The following ATP5ME variants were observed in gnomAD, a reference collection of about 807,000 sequenced individuals.
ATP5ME encodes ATP synthase F(0) complex subunit e, mitochondrial.
Under a neutral mutation model 11.6 loss-of-function variants are expected in ATP5ME, and 10 were observed. The ratio of observed to expected loss-of-function variants is 0.86; its 90% CI spans 0.53 to 1.46. The LOEUF is 1.46. ATP5ME is among the 40% of genes most tolerant of loss of function. ATP5ME has a pLI of 0.00. For synonymous variants in ATP5ME, 45 were observed against 33.5 expected (o/e 1.34, Z -1.19); for missense variants, 115 against 85.4 (o/e 1.35, Z -1.37).
intron 2 of ATP5ME, 186 bp from the exon 3 acceptor site, chr4:673,587 C>T (rs1487504851): frequency 1.1e-5 from 11 of 1,029,150 alleles, no homozygotes; most frequent in South Asian, 1.6e-5. Context: ...GCTACAGGGC[C>T]CCTGCTGCCC....
intron 1 of ATP5ME, 106 bp from the exon 2 acceptor site, chr4:674,072 G>T: frequency 6.8e-7 from 1 of 1,459,988 alleles, no homozygotes; most frequent in Non-Finnish European, 9.2e-7. Context: ...GGAGGGGTGG[G>T]GGTCCGGTCG....
rs1172225360 is a variant in ATP5ME at position 674,030 on chromosome 4, A to C, written c.37-64T>G. 5 of 604,656 alleles carry C rather than the reference A, an allele frequency of 8.3e-6. No individual in the cohort carries two copies. In the African/African-American group the frequency reaches 1.3e-4, roughly 16 times the overall value. 37.5% of individuals were successfully genotyped at this position (604,656 alleles called of 1,614,324 possible). A position where few individuals can be genotyped will look rare whatever the true frequency, so the allele number is the denominator to read the frequency against. On this transcript the variant is annotated intron_variant, in intron 1 of 3. Transcript: ENST00000304312. ...CTCGCGGGACGGGGGTCGCGGGAGG[A>C]GGGGGGGCGGGGTCGCTGGGCAGAG...
intron 2 of ATP5ME, 135 bp from the exon 3 acceptor site, chr4:673,536 A>C: frequency 6.9e-7 from 1 of 1,458,356 alleles, no homozygotes; most frequent in South Asian, 1.3e-5. Context: ...TGTTAATGCG[A>C]GTCAACGCCT....
At chr4:673,507 C>G in intron 2 of ATP5ME, 106 bp from the exon 3 acceptor site, 1 of 1,564,668 alleles carries the variant, frequency 6.4e-7, no homozygotes, top group Non-Finnish European at 8.7e-7. Context: ...CCAGACGCAC[C>G]TGCTGTTCCC....
At chr4:673,612 T>C in intron 2 of ATP5ME, 1 of 852,036 alleles carries the variant, frequency 1.2e-6, no homozygotes, top group Non-Finnish European at 1.8e-6. Context: ...GCTCACGCAC[T>C]GGCTCACTCG....
At chr4:672,593 G>GTTTTT in intron 3 of ATP5ME, 74 bp from the exon 4 acceptor site, 1 of 1,101,052 alleles carries the variant, frequency 9.1e-7, no homozygotes, top group Non-Finnish European at 1.3e-6. Context: ...CAGCTTCCCA[G>GTTTTT]TTATTTTTTT....
rs1178716037 is a variant in ATP5ME at position 672,525 on chromosome 4, G to A, written c.191-6C>T. 3 of 1,613,932 alleles carry A rather than the reference G, an allele frequency of 1.9e-6. No individual in the cohort carries two copies. The highest frequency in any genetic ancestry group is 1.7e-6 in the Non-Finnish European group (2 of 1,179,982). On this transcript the variant is annotated splice_polypyrimidine_tract_variant and splice_region_variant and intron_variant, in intron 3 of 3. Transcript: ENST00000304312. ...TCACTTTAATATGCTGTCATCTTGGGCCGGAAGGTTAGAAGAAAAGCACAT... is the reference window on the plus strand; with the variant it reads ...TCACTTTAATATGCTGTCATCTTGGACCGGAAGGTTAGAAGAAAAGCACAT...
chr4:672,477 C>T lies in ATP5ME; in HGVS notation c.*23G>A, dbSNP rs763399758. ...AAGCTTTATTCATCCGCTGCTGGTC[C>T]AAAGAGTGGGTCGCAGGGTCACTCA... On this transcript the variant is annotated 3_prime_UTR_variant, in exon 4 of 4. Transcript: ENST00000304312. 23 of 1,613,934 alleles carry T rather than the reference C, an allele frequency of 1.4e-5. No homozygotes were observed. The highest frequency in any genetic ancestry group is 4.0e-5 in the African/African-American group (3 of 75,038).
intron 3 of ATP5ME, 21 bp from the exon 4 acceptor site, chr4:672,540 G>A (rs757326837): frequency 3.1e-6 from 5 of 1,611,704 alleles, no homozygotes; most frequent in African/African-American, 2.7e-5. Flanking sequence ...AAGGTTAGAA[G>A]AAAAGCACAT....
intron 3 of ATP5ME, 103 bp downstream of exon 3, chr4:673,200 A>T: frequency 6.4e-7 from 1 of 1,559,512 alleles, no homozygotes; most frequent in East Asian, 2.3e-5. Flanking sequence ...CCATTTTTAA[A>T]CAATCCGCAT....
rs1445556684 is a variant in ATP5ME at position 673,867 on chromosome 4, G to C, written c.91+45C>G. 9.7e-6 allele frequency: 15 copies of C among 1,543,042 alleles called. No homozygotes were observed. The Admixed American group carries it at 2.7e-4, about 28-fold the overall frequency. On this transcript the variant is annotated intron_variant, in intron 2 of 3. Transcript: ENST00000304312. ...TCCAAATAGCACAGGAGCTCCACAG[G>C]AAAGCCGAGCAGACCCCGCCCCGGC...
In ATP5ME at chr4:672,527, C is replaced by A. The variant is rs201675634; in HGVS notation, c.191-8G>T. 2 of 1,613,672 alleles carry A rather than the reference C, an allele frequency of 1.2e-6. No individual in the cohort carries two copies. The highest frequency in any genetic ancestry group is 1.3e-5 in the African/African-American group (1 of 74,918). On this transcript the variant is annotated splice_polypyrimidine_tract_variant and splice_region_variant and intron_variant, in intron 3 of 3. Transcript: ENST00000304312. ...ACTTTAATATGCTGTCATCTTGGGC[C>A]GGAAGGTTAGAAGAAAAGCACATGT...
intron 3 of ATP5ME, among the ~76,000 whole-genome samples, chr4:672,943 T>C (rs976358222): frequency 1.3e-5 from 2 of 152,240 alleles, no homozygotes; most frequent in African/African-American, 4.8e-5. Flanking sequence ...AAATGGGGTT[T>C]CACCATCTTG....
At chr4:673,766 T>G (rs1738642371) in intron 2 of ATP5ME, 146 bp downstream of exon 2, 1 of 1,190,128 alleles carries the variant, frequency 8.4e-7, no homozygotes, top group African/African-American at 1.5e-5. Context: ...GATTCCACTA[T>G]CGGGGTCACG....
intron 3 of ATP5ME, 91 bp from the exon 4 acceptor site, chr4:672,610 T>TG: frequency 1.4e-6 from 2 of 1,432,478 alleles, no homozygotes; most frequent in Non-Finnish European, 1.9e-6. Context: ...TTTTTTTTTT[T>TG]TTTTTTGTTT....
In ATP5ME at chr4:672,725, G is replaced by A. The variant is rs189694890; in HGVS notation, c.191-206C>T. Among the ~76,000 whole-genome samples the A allele has an allele frequency of 7.5e-3, 1,141 of 151,858 alleles. 12 individuals are homozygous for A. Among genetic ancestry groups the A allele is most frequent in the Middle Eastern group, 0.041 (12 of 294 alleles). ...TCCCACCTCAGCCTTCTGAGTAGCTGGGATTACATGCACCCGCCATCATGC... is the reference window on the plus strand; with the variant it reads ...TCCCACCTCAGCCTTCTGAGTAGCTAGGATTACATGCACCCGCCATCATGC... On this transcript the variant is annotated intron_variant, in intron 3 of 3. Coordinates refer to ENST00000304312, the MANE Select transcript of ATP5ME (RefSeq NM_007100.4).
intron 3 of ATP5ME, 45 bp downstream of exon 3, chr4:673,258 A>G: frequency 1.2e-6 from 2 of 1,613,882 alleles, no homozygotes; most frequent in African/African-American, 2.7e-5. Context: ...TTATCCCTGC[A>G]CAAACCTGGG....
At chr4:673,027 C>T (rs548014275) in intron 3 of ATP5ME, among the ~76,000 whole-genome samples, 1 of 152,354 alleles carries the variant, frequency 6.6e-6, no homozygotes, top group East Asian at 1.9e-4. Context: ...GGATTACAGG[C>T]ATGAGCCACC....
intron 2 of ATP5ME, chr4:673,635 A>C (rs1275659906): frequency 6.4e-6 from 5 of 777,126 alleles, no homozygotes; most frequent in Non-Finnish European, 1.0e-5. Context: ...CTCTGCGAAC[A>C]GGGACTGCCT....
Sources: gnomAD v4.1 joint callset for allele counts (sites outside exome capture counted in the v4.1 genomes callset) on GRCh38, gnomAD v4.1.1 for gene constraint, MANE v1.5 for transcripts, NCBI Gene and HGNC (gene_info 2026-07-23, HGNC 2026-07-21) for gene names.